Variants in SCN7A observed in about 807,000 individuals in gnomAD.
SCN7A encodes the protein sodium channel protein type 7 subunit alpha.
A neutral mutation model predicts 155.2 loss-of-function variants in SCN7A; 138 were observed. The ratio of observed to expected loss-of-function variants is 0.89; its 90% confidence interval spans 0.77 to 1.02. The LOEUF (loss-of-function observed/expected upper bound fraction) is 1.02. Among genes scored for constraint, SCN7A ranks in the 50% least tolerant of loss-of-function variants. The probability of loss-of-function intolerance (pLI) is 0.00; values close to 1 mark genes in which losing one functional copy is unlikely to be tolerated. For synonymous variants in SCN7A, 693 were observed against 649.0 expected (o/e 1.07, Z -1.03); for missense variants, 2,058 against 1,986.6 (o/e 1.04, Z -0.68).
At chr2:166,487,398 T>C (rs1398841246) in intron 1 of SCN7A, among the ~76,000 whole-genome samples, 4 of 150,650 alleles carry the variant, frequency 2.7e-5, no homozygotes, top group African/African-American at 9.7e-5. Flanking sequence ...TCAGTATTTT[T>C]CTTCTTCCCT....
chr2:166,453,291 G>T (rs1045525512), intron 11 of SCN7A, among the ~76,000 whole-genome samples: 1 of 152,056 alleles, frequency 6.6e-6, no homozygotes, highest in Non-Finnish European at 1.5e-5. Context: ...AGCAATAAAT[G>T]TTGCATGATA....
At chr2:166,419,220 T>A (rs571884992) in intron 20 of SCN7A, among the ~76,000 whole-genome samples, 2 of 152,132 alleles carry the variant, frequency 1.3e-5, no homozygotes, top group Admixed American at 6.6e-5. Context: ...AGAGTTTATT[T>A]TAGTTACATA....
At chr2:166,406,707 C>G in intron 25 of SCN7A, 61 bp from the exon 26 acceptor site, 1 of 1,133,414 alleles carries the variant, frequency 8.8e-7, no homozygotes, top group Non-Finnish European at 1.3e-6. Flanking sequence ...ATTTTGAGGA[C>G]TATAAATTAT....
intron 1 of SCN7A, among the ~76,000 whole-genome samples, chr2:166,492,494 A>G (rs1018458481): frequency 2.0e-5 from 3 of 152,188 alleles, no homozygotes; most frequent in Non-Finnish European, 4.4e-5. Flanking sequence ...CAATTTTAAA[A>G]CTAAAAACAG....
At chr2:166,438,091 C>G (rs537810773) in intron 15 of SCN7A, among the ~76,000 whole-genome samples, 1 of 152,200 alleles carries the variant, frequency 6.6e-6, no homozygotes, top group African/African-American at 2.4e-5. Context: ...TGTGTCTCCA[C>G]CCAAATCTCA....
At chr2:166,437,577 G>A (rs567084014) in intron 15 of SCN7A, among the ~76,000 whole-genome samples, 4 of 152,300 alleles carry the variant, frequency 2.6e-5, no homozygotes, top group East Asian at 3.9e-4. Flanking sequence ...CACACTGACA[G>A]CCTGCACTGC....
Position 166,415,556 on chromosome 2 carries a change from C to T in SCN7A, c.3414+1151G>A, listed in dbSNP as rs554367453. Among the ~76,000 whole-genome samples the T allele has an allele frequency of 6.6e-5, 10 of 152,062 alleles. No homozygotes were observed. In the South Asian group the frequency reaches 8.3e-4, roughly 13 times the overall value. ...TAAATGAGTCTAGTGTTGTATGTTGCGGGAAGTCAGGGACCCTGAACAGAG... is the reference window on the plus strand; with the variant it reads ...TAAATGAGTCTAGTGTTGTATGTTGTGGGAAGTCAGGGACCCTGAACAGAG... On this transcript the variant is annotated intron_variant, in intron 21 of 25. Transcript: ENST00000643258.
chr2:166,449,728 G>A (rs1702138876), intron 11 of SCN7A, among the ~76,000 whole-genome samples: 1 of 151,872 alleles, frequency 6.6e-6, no homozygotes. Context: ...AGAAAAGAAA[G>A]TCAAAACCAC....
chr2:166,431,421 A>G (rs1044058007), intron 16 of SCN7A, among the ~76,000 whole-genome samples: 1 of 152,050 alleles, frequency 6.6e-6, no homozygotes. Context: ...GGTCTGGGAG[A>G]CAAGATGGTG....
intron 1 of SCN7A, among the ~76,000 whole-genome samples, chr2:166,492,975 C>T (rs1052344190): frequency 2.6e-5 from 4 of 152,148 alleles, no homozygotes; most frequent in Non-Finnish European, 2.9e-5. Flanking sequence ...TTGGACTTCC[C>T]GCTCAATTAC....
intron 19 of SCN7A, 93 bp downstream of exon 19, chr2:166,423,166 G>A: frequency 8.1e-7 from 1 of 1,232,564 alleles, no homozygotes; most frequent in South Asian, 1.4e-5. Flanking sequence ...GAGAGGGAAA[G>A]GAAAGATATA....
At chr2:166,492,710 G>C (rs1683140538) in intron 1 of SCN7A, among the ~76,000 whole-genome samples, 1 of 152,140 alleles carries the variant, frequency 6.6e-6, no homozygotes, top group African/African-American at 2.4e-5. Flanking sequence ...TGCTTATATT[G>C]AATCAGACTT....
At chr2:166,482,954 C>T (rs761843970) in intron 2 of SCN7A, among the ~76,000 whole-genome samples, 5 of 151,870 alleles carry the variant, frequency 3.3e-5, no homozygotes, top group Non-Finnish European at 5.9e-5. Flanking sequence ...CACTAAAGTC[C>T]GAAAAAATAT....
intron 12 of SCN7A, among the ~76,000 whole-genome samples, chr2:166,446,031 T>A (rs1041988599): frequency 2.2e-4 from 34 of 152,012 alleles, no homozygotes; most frequent in African/African-American, 7.7e-4. Context: ...ACAAATGGGA[T>A]CTAATTAAAC....
chr2:166,409,907 A>G lies in SCN7A; in HGVS notation c.3740T>C (p.Val1247Ala). 1 of 1,568,722 alleles carries G rather than the reference A, an allele frequency of 6.4e-7. No homozygotes were observed. The highest frequency in any genetic ancestry group is 8.7e-7 in the Non-Finnish European group (1 of 1,155,478). The change falls in exon 25 of 26, where the codon GTG becomes GCG. Residue 1247 changes from valine (V) to alanine (A), a missense_variant. Transcript: ENST00000643258. Reference sequence around the variant, plus strand: ...GACATTAAAAGCTTGGCTTGTTACCACATCAAAGATGAATCCTTGGAGCTT... The same window carrying G: ...GACATTAAAAGCTTGGCTTGTTACCGCATCAAAGATGAATCCTTGGAGCTT... ...LNKLQGFIFDVVTSQAFNVIV... is the reference protein window; with the variant it reads ...LNKLQGFIFDAVTSQAFNVIV...
At chr2:166,419,581 C>T (rs1319918841) in intron 20 of SCN7A, among the ~76,000 whole-genome samples, 2 of 151,790 alleles carry the variant, frequency 1.3e-5, no homozygotes, top group South Asian at 2.1e-4. Flanking sequence ...TACCCGGGCT[C>T]GTCTCAAACT....
chr2:166,477,952 T>C (rs1162446594), intron 2 of SCN7A, among the ~76,000 whole-genome samples: 3 of 151,996 alleles, frequency 2.0e-5, no homozygotes, highest in Admixed American at 6.6e-5. Flanking sequence ...TTTACTGAAA[T>C]CTACCTTTCA....
At chr2:166,469,877 T>C (rs1702616148) in intron 7 of SCN7A, among the ~76,000 whole-genome samples, 1 of 151,956 alleles carries the variant, frequency 6.6e-6, no homozygotes, top group South Asian at 2.1e-4. Context: ...AATGTGGTCT[T>C]CTTTCATAGA....
Position 166,405,511 on chromosome 2 carries a change from T to G in SCN7A, c.*69A>C. 6 of 1,170,706 alleles carry G rather than the reference T, an allele frequency of 5.1e-6. No homozygotes were observed. The highest frequency in any genetic ancestry group is 7.2e-6 in the Non-Finnish European group (6 of 831,276). 72.5% of individuals were successfully genotyped at this position (1,170,706 alleles called of 1,614,324 possible). ...CTGATTATTATCTCTACTTTTCTTT[T>G]ATTCCTGGCTTAGGCTTTCAACATT... On this transcript the variant is annotated 3_prime_UTR_variant, in exon 26 of 26. Transcript: ENST00000643258.
Sources: gnomAD v4.1 joint callset for allele counts (sites outside exome capture counted in the v4.1 genomes callset) on GRCh38, gnomAD v4.1.1 for gene constraint, MANE v1.5 for transcripts, NCBI Gene and HGNC (gene_info 2026-07-23, HGNC 2026-07-21) for gene names.